MOB3B: variants seen among roughly 807,000 people sequenced by gnomAD.
MOB3B encodes the protein MOB kinase activator-like 2B.
In MOB3B, 7 loss-of-function variants were observed where a neutral mutation model predicts 18.7. The observed-to-expected ratio is 0.37, with a 90% CI of 0.21 to 0.70. The LOEUF (loss-of-function observed/expected upper bound fraction) is 0.70, where lower values mean the gene tolerates loss of function less well. Ranked by LOEUF, MOB3B falls within the 30% of genes least tolerant of loss-of-function variation. MOB3B has a pLI of 0.52. For synonymous variants in MOB3B, 111 were observed against 99.9 expected (o/e 1.11, Z -0.66); for missense variants, 253 against 281.3 (o/e 0.90, Z 0.72).
chr9:27,375,884 G>A (rs1416671770), intron 2 of MOB3B, among the ~76,000 whole-genome samples: 1 of 152,114 alleles, frequency 6.6e-6, no homozygotes, highest in Non-Finnish European at 1.5e-5. Context: ...TGTATTTCAG[G>A]CAGACATTGT....
intron 2 of MOB3B, among the ~76,000 whole-genome samples, chr9:27,387,816 C>T (rs1446131107): frequency 6.6e-6 from 1 of 152,064 alleles, no homozygotes. Context: ...CTCTGAGAGG[C>T]TAGGATGGAA....
At chr9:27,526,666 T>A (rs1457829945) in intron 1 of MOB3B, among the ~76,000 whole-genome samples, 1 of 152,156 alleles carries the variant, frequency 6.6e-6, no homozygotes, top group Non-Finnish European at 1.5e-5. Context: ...TATGCTTTTT[T>A]AAAGATCACA....
At position 27,330,606 on chromosome 9, in the gene MOB3B, G is replaced by A. The variant is rs1319091705; in HGVS notation, c.632C>T (p.Thr211Met). The A allele has an allele frequency of 6.8e-6, 11 of 1,613,948 alleles. No homozygotes were observed. The highest frequency in any genetic ancestry group is 1.7e-5 in the Admixed American group (1 of 59,990). Residue 211 changes from threonine (T) to methionine (M), a missense_variant, in exon 4 of 4, where the codon ACG (threonine) becomes ATG (methionine). Transcript: ENST00000262244. ...RKELEPLKEM[T>M]SRMCH ...GGAGCATTAGTGACACATCCTGCTC[G>A]TCATTTCTTTCTGGAAAGCAAGGGG... is the stretch of plus-strand genomic sequence containing the variant.
At chr9:27,352,969 A>C (rs980453904) in intron 3 of MOB3B, among the ~76,000 whole-genome samples, 2 of 152,226 alleles carry the variant, frequency 1.3e-5, no homozygotes, top group Non-Finnish European at 2.9e-5. Flanking sequence ...CACAGAAGGA[A>C]GTCTGTTTTC....
At chr9:27,425,856 C>A (rs1030672515) in intron 2 of MOB3B, among the ~76,000 whole-genome samples, 3 of 152,190 alleles carry the variant, frequency 2.0e-5, no homozygotes, top group African/African-American at 4.8e-5. Context: ...ATTCTACCAT[C>A]TTTTCATCAA....
intron 2 of MOB3B, among the ~76,000 whole-genome samples, chr9:27,401,745 C>A (rs151124284): frequency 3.2e-4 from 48 of 152,180 alleles, no homozygotes; most frequent in Non-Finnish European, 6.5e-4. Flanking sequence ...AACTTCAAAG[C>A]AAGGAAAGCA....
intron 2 of MOB3B, among the ~76,000 whole-genome samples, chr9:27,422,365 A>G (rs569992483): frequency 6.6e-6 from 1 of 152,352 alleles, no homozygotes; most frequent in African/African-American, 2.4e-5. Context: ...CTTTATTTTT[A>G]GAGGAGACTT....
In MOB3B at chr9:27,455,624, C is replaced by A. The variant is rs1040465797; in HGVS notation, c.-74G>T. On this transcript the variant is annotated 5_prime_UTR_variant, in exon 2 of 4. Coordinates refer to ENST00000262244, the MANE Select transcript of MOB3B (RefSeq NM_024761.5). ...GGAACTTTTCAGGGAGAGATCACAG[C>A]CCAACAGTGTTTTCCACTGCCAGCA... is the stretch of plus-strand genomic sequence containing the variant. 1 of 1,598,238 alleles carries A rather than the reference C, an allele frequency of 6.3e-7. No homozygotes were observed.
At chr9:27,479,619 A>C (rs563811298) in intron 1 of MOB3B, among the ~76,000 whole-genome samples, 2 of 152,352 alleles carry the variant, frequency 1.3e-5, no homozygotes, top group African/African-American at 4.8e-5. Flanking sequence ...TAGTATATTT[A>C]TAAACACCCC....
At chr9:27,497,226 C>T (rs1160680690) in intron 1 of MOB3B, among the ~76,000 whole-genome samples, 2 of 152,144 alleles carry the variant, frequency 1.3e-5, no homozygotes, top group African/African-American at 2.4e-5. Context: ...TTTTGACTCA[C>T]AAATCACTTC....
chr9:27,435,695 G>T (rs889376747), intron 2 of MOB3B, among the ~76,000 whole-genome samples: 1 of 152,160 alleles, frequency 6.6e-6, no homozygotes, highest in South Asian at 2.1e-4. Flanking sequence ...CACCTCCTGA[G>T]TTCAAGTGAT....
chr9:27,441,909 C>T (rs1488260543), intron 2 of MOB3B, among the ~76,000 whole-genome samples: 2 of 152,140 alleles, frequency 1.3e-5, no homozygotes, highest in African/African-American at 4.8e-5. Context: ...TTTCCAACCA[C>T]ATACTCATGT....
intron 1 of MOB3B, among the ~76,000 whole-genome samples, chr9:27,496,098 G>A (rs1323911603): frequency 6.6e-6 from 1 of 152,066 alleles, no homozygotes; most frequent in Non-Finnish European, 1.5e-5. Context: ...CACTAAAAAC[G>A]AGCAAAAAAA....
chr9:27,419,825 GC>G (rs1822211967), intron 2 of MOB3B, among the ~76,000 whole-genome samples: 1 of 152,132 alleles, frequency 6.6e-6, no homozygotes, highest in Non-Finnish European at 1.5e-5. Flanking sequence ...AAACTAAAGA[GC>G]TTTTGCACGA....
At chr9:27,483,725 C>T (rs1386685346) in intron 1 of MOB3B, among the ~76,000 whole-genome samples, 1 of 152,034 alleles carries the variant, frequency 6.6e-6, no homozygotes, top group African/African-American at 2.4e-5. Context: ...TTGGTATGCT[C>T]GTGGGCAGAA....
rs1335175430 is a variant in MOB3B at position 27,375,159 on chromosome 9, T to C, written c.419-15923A>G. On this transcript the variant is annotated intron_variant, in intron 2 of 3. Coordinates refer to ENST00000262244, the MANE Select transcript of MOB3B (RefSeq NM_024761.5). Reference sequence around the variant, plus strand: ...AGGTGAGGCTTGGTTGCATAGAAGATGTCTTTTGGCCATACTGGAAAATCA... The same window carrying C: ...AGGTGAGGCTTGGTTGCATAGAAGACGTCTTTTGGCCATACTGGAAAATCA... Among the ~76,000 whole-genome samples the C allele has an allele frequency of 2.0e-5, 3 of 152,242 alleles. No homozygotes were observed. In the East Asian group the frequency reaches 5.8e-4, roughly 29 times the overall value.
intron 1 of MOB3B, among the ~76,000 whole-genome samples, chr9:27,520,050 T>C (rs934740156): frequency 6.6e-6 from 1 of 152,146 alleles, no homozygotes; most frequent in African/African-American, 2.4e-5. Flanking sequence ...AATGGAACAA[T>C]GTACTTTCAA....
At chr9:27,356,489 T>A (rs1328672600) in intron 3 of MOB3B, among the ~76,000 whole-genome samples, 1 of 152,200 alleles carries the variant, frequency 6.6e-6, no homozygotes, top group Non-Finnish European at 1.5e-5. Flanking sequence ...ATAACTGAGT[T>A]TTCTGATAGC....
At chr9:27,502,574 C>T (rs1427674574) in intron 1 of MOB3B, among the ~76,000 whole-genome samples, 1 of 152,214 alleles carries the variant, frequency 6.6e-6, no homozygotes, top group African/African-American at 2.4e-5. Flanking sequence ...CCTGAGATGG[C>T]CAAGTACACA....
Sources: gnomAD v4.1 joint callset for allele counts (sites outside exome capture counted in the v4.1 genomes callset) on GRCh38, gnomAD v4.1.1 for gene constraint, MANE v1.5 for transcripts, NCBI Gene and HGNC (gene_info 2026-07-23, HGNC 2026-07-21) for gene names.